Variants in EVC observed in about 807,000 individuals in gnomAD.
EVC encodes the protein EvC ciliary complex subunit 1, also known as evC complex member EVC.
Under a neutral mutation model 118.9 loss-of-function variants are expected in EVC, and 116 were observed. The observed-to-expected ratio is 0.98, with a 90% CI of 0.84 to 1.14. The LOEUF (loss-of-function observed/expected upper bound fraction) is 1.14, where lower values mean the gene tolerates loss of function less well. Among genes scored for constraint, EVC ranks in the 50% most tolerant of loss-of-function variants. The probability of loss-of-function intolerance (pLI) is 0.00; values close to 1 mark genes in which losing one functional copy is unlikely to be tolerated. For synonymous variants in EVC, 619 were observed against 534.7 expected (o/e 1.16, Z -2.18); for missense variants, 1,401 against 1,246.4 (o/e 1.12, Z -1.87).
chr4:5,764,033 G>T (rs1441401936), intron 11 of EVC, among the ~76,000 whole-genome samples: 109 of 146,508 alleles, frequency 7.4e-4, no homozygotes, highest in South Asian at 2.9e-3. Flanking sequence ...ATATTGGCTG[G>T]GGGTTTGTCA....
chr4:5,807,507 G>A (rs958738221), intron 17 of EVC, among the ~76,000 whole-genome samples: 1 of 152,192 alleles, frequency 6.6e-6, no homozygotes, highest in African/African-American at 2.4e-5. Flanking sequence ...ATGGGAAGGA[G>A]GCAGGCAGGG....
At chr4:5,767,208 C>G (rs973998482) in intron 11 of EVC, among the ~76,000 whole-genome samples, 5 of 152,156 alleles carry the variant, frequency 3.3e-5, no homozygotes, top group African/African-American at 1.2e-4. Flanking sequence ...CAGTTAGGCT[C>G]CTCGGGGGCC....
intron 1 of EVC, among the ~76,000 whole-genome samples, chr4:5,716,354 G>C (rs1048563213): frequency 4.6e-5 from 7 of 152,232 alleles, no homozygotes; most frequent in African/African-American, 7.2e-5. Flanking sequence ...TTGCAGGTCA[G>C]AGGTAGATTC....
chr4:5,810,376 C>G lies in EVC; in HGVS notation c.2820C>G (p.Pro940=), dbSNP rs1201968469. Residue 940 remains proline, a synonymous_variant, in exon 20 of 21, where the codon CCC becomes CCG. Transcript: ENST00000264956. The part of the protein sequence containing the change: ...PLRTKRKKPL[P]QERGDLGVPN... Reference sequence around the variant, plus strand: ...GGACTAAAAGGAAGAAGCCCCTGCCCCAGGAAAGAGGGGACCTGGGGGTGC... The same window carrying G: ...GGACTAAAAGGAAGAAGCCCCTGCCGCAGGAAAGAGGGGACCTGGGGGTGC... 1.2e-6 allele frequency: 2 copies of G among 1,613,858 alleles called. No individual in the cohort carries two copies. The highest frequency in any genetic ancestry group is 2.2e-5 in the South Asian group (2 of 90,936).
intron 18 of EVC, among the ~76,000 whole-genome samples, chr4:5,808,630 G>T (rs545846599): frequency 2.0e-5 from 3 of 152,362 alleles, no homozygotes; most frequent in East Asian, 3.9e-4. Context: ...GCATTCCCCT[G>T]TGTGCGCATG....
chr4:5,779,448 C>T (rs1473619992), intron 11 of EVC, among the ~76,000 whole-genome samples: 19 of 150,026 alleles, frequency 1.3e-4, no homozygotes, highest in African/African-American at 2.2e-4. Flanking sequence ...GCCATTTTCA[C>T]GATATTGATT....
rs1420160420 is a variant in EVC at position 5,755,412 on chromosome 4, G to T, written c.1465-852G>T. Among the ~76,000 whole-genome samples the T allele has an allele frequency of 1.4e-5, 2 of 144,700 alleles. No homozygotes were observed. Among genetic ancestry groups the T allele is most frequent in the Non-Finnish European group, 3.0e-5 (2 of 66,366 alleles). 94.9% of individuals were successfully genotyped at this position (144,700 alleles called of 152,430 possible). On this transcript the variant is annotated intron_variant, in intron 10 of 20. Coordinates refer to ENST00000264956, the MANE Select transcript of EVC (RefSeq NM_153717.3). This position sits in a 1 kb window ranked among gnomAD's most constrained non-coding sequence, Gnocchi z 4.1. The stretch of plus-strand genomic sequence containing the variant: ...TGAATGAACCAGGACATGGACAAAT[G>T]GGCAAACGAGCGAATGAAGGAGGAT...
chr4:5,720,948 A>G (rs1724859468), intron 2 of EVC, among the ~76,000 whole-genome samples: 1 of 152,110 alleles, frequency 6.6e-6, no homozygotes, highest in South Asian at 2.1e-4. Flanking sequence ...CCCTATTTGA[A>G]TGTGCCCTGT....
At chr4:5,740,980 A>G (rs1328635190) in intron 5 of EVC, among the ~76,000 whole-genome samples, 2 of 152,242 alleles carry the variant, frequency 1.3e-5, no homozygotes, top group Non-Finnish European at 2.9e-5. Flanking sequence ...TCACTCATAC[A>G]TTGCTGATGG....
chr4:5,799,819 A>G (rs1373238274), intron 15 of EVC, among the ~76,000 whole-genome samples: 2 of 152,202 alleles, frequency 1.3e-5, no homozygotes, highest in African/African-American at 4.8e-5. Flanking sequence ...TATTCTAAAT[A>G]TCTCACATCT....
intron 11 of EVC, among the ~76,000 whole-genome samples, chr4:5,758,746 G>C (rs1412046626): frequency 1.3e-5 from 2 of 152,176 alleles, no homozygotes; most frequent in Admixed American, 6.5e-5. Flanking sequence ...TAAAATAAAG[G>C]CTTTCTAATG....
chr4:5,826,442 G>C, the EVC span: 34 of 149,258 alleles, frequency 2.3e-4, 1 homozygote, highest in South Asian at 7.5e-3. Flanking sequence ...GCAGGGCTGG[G>C]GATGCTGTGG....
At chr4:5,748,353 A>AGATATGGAATCCTGAGGCTTGACATCC (rs1729691564) in intron 8 of EVC, 47 bp downstream of exon 8, 5 of 1,606,544 alleles carry the variant, frequency 3.1e-6, no homozygotes, top group Non-Finnish European at 4.3e-6. Context: ...TTCAGACTAG[A>AGATATGGAATCCTGAGGCTTGACATCC]GATATGGAAT....
intron 11 of EVC, among the ~76,000 whole-genome samples, chr4:5,759,752 A>G (rs1420382267): frequency 6.6e-6 from 1 of 152,184 alleles, no homozygotes; most frequent in African/African-American, 2.4e-5. Context: ...GTAAACCCAG[A>G]ACATCTGAGA....
intron 11 of EVC, among the ~76,000 whole-genome samples, chr4:5,760,450 C>G (rs564497156): frequency 6.6e-6 from 1 of 152,180 alleles, no homozygotes; most frequent in Admixed American, 6.5e-5. Context: ...GCTGGAGTCT[C>G]TCTCCTAGGA....
intron 17 of EVC, among the ~76,000 whole-genome samples, chr4:5,806,542 A>G (rs991915999): frequency 6.6e-6 from 1 of 152,202 alleles, no homozygotes; most frequent in African/African-American, 2.4e-5. Flanking sequence ...TTTATGGCTG[A>G]GTAGTATTCC....
At chr4:5,824,919 A>T in the EVC span, 2 of 985,462 alleles carry the variant, frequency 2.0e-6, no homozygotes, top group Non-Finnish European at 2.4e-6. Context: ...GATCAGGTCA[A>T]CATCTAATTT....
downstream of EVC, among the ~76,000 whole-genome samples, chr4:5,816,672 C>T (rs1160757472): frequency 7.1e-6 from 1 of 140,256 alleles, no homozygotes; most frequent in African/African-American, 2.6e-5. Context: ...TCCCCTCTCT[C>T]CCTTCCCTCC....
intron 14 of EVC, among the ~76,000 whole-genome samples, chr4:5,797,905 C>T (rs1408588028): frequency 6.6e-6 from 1 of 152,088 alleles, no homozygotes; most frequent in African/African-American, 2.4e-5. Context: ...GATAACAGAT[C>T]GAAAGAAATA....
Sources: allele counts gnomAD v4.1 joint callset (sites outside exome capture counted in the v4.1 genomes callset), GRCh38; gene constraint gnomAD v4.1.1; non-coding constraint Gnocchi (gnomAD v3.1); transcripts MANE v1.5; gene names NCBI Gene and HGNC (gene_info 2026-07-23, HGNC 2026-07-21).